IFT80: variants seen among roughly 807,000 people sequenced by gnomAD.
IFT80 encodes the protein intraflagellar transport protein 80 homolog.
A neutral mutation model predicts 107.9 loss-of-function variants in IFT80; 79 were observed. That is an observed-to-expected ratio of 0.73 (90% CI 0.61 to 0.88). The LOEUF (loss-of-function observed/expected upper bound fraction) is 0.88. Among genes scored for constraint, IFT80 ranks in the 40% least tolerant of loss-of-function variants. The probability of loss-of-function intolerance (pLI) is 0.00; values close to 1 mark genes in which losing one functional copy is unlikely to be tolerated. For synonymous variants in IFT80, 299 were observed against 300.9 expected (o/e 0.99, Z 0.07); for missense variants, 797 against 914.2 (o/e 0.87, Z 1.65).
intron 13 of IFT80, among the ~76,000 whole-genome samples, chr3:160,285,350 C>T (rs1464037462): frequency 6.6e-6 from 1 of 152,080 alleles, no homozygotes; most frequent in African/African-American, 2.4e-5. Context: ...AAATCAGAAA[C>T]CAATAAACAA....
chr3:160,300,915 G>T lies in IFT80; in HGVS notation c.1283C>A (p.Thr428Asn), dbSNP rs770394750. The T allele has an allele frequency of 1.9e-6, 3 of 1,609,098 alleles. No homozygotes were observed. The highest frequency in any genetic ancestry group is 2.5e-6 in the Non-Finnish European group (3 of 1,177,522). ...NAQTVSLSNDTIAIRDKADEK... is the reference protein window; with the variant it reads ...NAQTVSLSNDNIAIRDKADEK... ...ATCAGCTTTGTCTCTTATTGCTATG[G>T]TATCATTACTCAAAGACACAGTCTG... The change falls in exon 12 of 20, where the codon ACC (threonine) becomes AAC (asparagine). Residue 428 changes from threonine to asparagine, a missense_variant. Transcript: ENST00000326448.
intron 12 of IFT80, among the ~76,000 whole-genome samples, chr3:160,287,620 G>C (rs1320256168): frequency 1.3e-5 from 2 of 152,196 alleles, no homozygotes; most frequent in South Asian, 4.1e-4. Context: ...ATCAGTTATT[G>C]GAGGTAAAAG....
At chr3:160,392,734 T>G (rs1713480830) in intron 1 of IFT80, among the ~76,000 whole-genome samples, 1 of 152,202 alleles carries the variant, frequency 6.6e-6, no homozygotes, top group Non-Finnish European at 1.5e-5. Context: ...TCTGAGCCAC[T>G]CTACAATGTA....
At chr3:160,393,571 A>C (rs930348917) in intron 1 of IFT80, among the ~76,000 whole-genome samples, 4 of 152,194 alleles carry the variant, frequency 2.6e-5, no homozygotes, top group African/African-American at 9.7e-5. Context: ...GTTCTGCAAG[A>C]TGAGTTCTGT....
chr3:160,281,675 TG>T (rs1332694142), intron 14 of IFT80, among the ~76,000 whole-genome samples: 1 of 152,162 alleles, frequency 6.6e-6, no homozygotes, highest in Non-Finnish European at 1.5e-5. Flanking sequence ...GGCAAAATGG[TG>T]GAGGAGTTTA....
At chr3:160,385,287 CAA>C (rs1576903025) in intron 1 of IFT80, among the ~76,000 whole-genome samples, 2 of 152,198 alleles carry the variant, frequency 1.3e-5, no homozygotes, top group Admixed American at 6.5e-5. Flanking sequence ...GCCATATCAT[CAA>C]AAGACACAAA....
At chr3:160,319,960 A>C (rs1228490386) in intron 8 of IFT80, 21 bp from the exon 9 acceptor site, 1 of 1,604,080 alleles carries the variant, frequency 6.2e-7, no homozygotes, top group Non-Finnish European at 8.5e-7. Flanking sequence ...AAAAACAAGA[A>C]AAAGATGGAC....
intron 12 of IFT80, among the ~76,000 whole-genome samples, chr3:160,293,171 C>T (rs1428363250): frequency 6.6e-6 from 1 of 152,176 alleles, no homozygotes; most frequent in Non-Finnish European, 1.5e-5. Context: ...GATATTGTTT[C>T]TTAGCTTAAT....
chr3:160,268,539 A>G lies in IFT80; in HGVS notation c.2100-3T>C. 3 of 1,612,644 alleles carry G rather than the reference A, an allele frequency of 1.9e-6. No individual in the cohort carries two copies. The highest frequency in any genetic ancestry group is 2.5e-6 in the Non-Finnish European group (3 of 1,178,864). On this transcript the variant is annotated splice_polypyrimidine_tract_variant and splice_region_variant and intron_variant, in intron 18 of 19. Transcript: ENST00000326448. ...ATTTTACAGCCAATTCCAGTGCCCT[A>G]TAATGAGAAATAAAACAGATTATTA...
intron 8 of IFT80, among the ~76,000 whole-genome samples, chr3:160,323,800 A>G (rs568187044): frequency 3.9e-5 from 6 of 152,314 alleles, no homozygotes; most frequent in African/African-American, 1.4e-4. Flanking sequence ...AAGGAAATAG[A>G]GACCAAAAAA....
chr3:160,338,586 T>C (rs983744483), intron 8 of IFT80, among the ~76,000 whole-genome samples: 1 of 150,798 alleles, frequency 6.6e-6, no homozygotes, highest in Non-Finnish European at 1.5e-5. Flanking sequence ...GAGCCATCAC[T>C]GCACCACTGC....
intron 8 of IFT80, among the ~76,000 whole-genome samples, chr3:160,335,429 C>T (rs1375784919): frequency 6.6e-6 from 1 of 151,924 alleles, no homozygotes; most frequent in Non-Finnish European, 1.5e-5. Context: ...GCCATGTTGG[C>T]CAGGCTGGTC....
intron 5 of IFT80, among the ~76,000 whole-genome samples, chr3:160,375,110 T>C (rs1317190295): frequency 2.0e-5 from 3 of 152,192 alleles, no homozygotes; most frequent in Admixed American, 1.3e-4. Context: ...TTCTGAGGAA[T>C]AGTCAGCAAG....
chr3:160,348,684 C>A (rs1720465345), intron 8 of IFT80, among the ~76,000 whole-genome samples: 1 of 152,118 alleles, frequency 6.6e-6, no homozygotes, highest in African/African-American at 2.4e-5. Flanking sequence ...ATTTTGATAC[C>A]ACTAAGTGTC....
intron 2 of IFT80, 150 bp downstream of exon 2, chr3:160,384,414 A>T: frequency 7.4e-7 from 1 of 1,349,242 alleles, no homozygotes; most frequent in Non-Finnish European, 9.5e-7. Context: ...ACAACACATG[A>T]TCTTAAATAC....
intron 13 of IFT80, among the ~76,000 whole-genome samples, chr3:160,282,890 G>C (rs942769748): frequency 6.6e-6 from 1 of 151,996 alleles, no homozygotes; most frequent in Non-Finnish European, 1.5e-5. Context: ...AGAAACACTC[G>C]ATCTGTCCTG....
intron 5 of IFT80, among the ~76,000 whole-genome samples, chr3:160,372,770 A>G (rs1711627599): frequency 6.6e-6 from 1 of 152,234 alleles, no homozygotes; most frequent in East Asian, 1.9e-4. Context: ...TATTAAGGAA[A>G]ACACATTTTA....
intron 8 of IFT80, among the ~76,000 whole-genome samples, chr3:160,333,549 T>C (rs1719239178): frequency 6.6e-6 from 1 of 152,222 alleles, no homozygotes; most frequent in South Asian, 2.1e-4. Context: ...TTTTGTTTTT[T>C]ACTTTTTAAA....
At chr3:160,299,134 A>T in intron 12 of IFT80, 1 of 985,526 alleles carries the variant, frequency 1.0e-6, no homozygotes, top group Non-Finnish European at 1.2e-6. Context: ...CTTCCAAATT[A>T]CTATTATTTT....
Sources: allele counts gnomAD v4.1 joint callset (sites outside exome capture counted in the v4.1 genomes callset), GRCh38; gene constraint gnomAD v4.1.1; transcripts MANE v1.5; gene names NCBI Gene and HGNC (gene_info 2026-07-23, HGNC 2026-07-21).